STON1: variants seen among roughly 807,000 people sequenced by gnomAD.
STON1 encodes stonin-1.
In STON1, 79 loss-of-function variants were observed where a neutral mutation model predicts 60.9. The ratio of observed to expected loss-of-function variants is 1.30; its 90% CI spans 1.08 to 1.56. The LOEUF (loss-of-function observed/expected upper bound fraction) is 1.56. STON1 is among the 40% of genes most tolerant of loss of function. The pLI, the probability that STON1 is intolerant of heterozygous loss-of-function variation, is 0.00. For synonymous variants in STON1, 363 were observed against 306.9 expected (o/e 1.18, Z -1.91); for missense variants, 1,166 against 858.9 (o/e 1.36, Z -4.47).
intron 1 of STON1, among the ~76,000 whole-genome samples, chr2:48,532,540 C>A (rs868164235): frequency 1.3e-5 from 2 of 151,908 alleles, no homozygotes; most frequent in African/African-American, 4.8e-5. Flanking sequence ...AATCTTCAGT[C>A]TCTTCCTCTT....
Position 48,591,774 on chromosome 2 carries a change from G to C in STON1, c.2052G>C (p.Arg684Ser), listed in dbSNP as rs765635411. ...QFSVPDTCAS[R>S]TEVRSLGVES... ...CCGTGCCTGACACCTGTGCCTCAAG[G>C]ACAGAGGTCAGGTCTCTGGGAGTGG... The change falls in exon 3 of 4, where the codon AGG (arginine) becomes AGC (serine). Residue 684 changes from arginine to serine, a missense_variant. Arg to Ser is a moderately radical substitution (Grantham distance 110). Transcript: ENST00000404752. 2.5e-6 allele frequency: 4 copies of C among 1,614,054 alleles called. No homozygotes were observed. The highest frequency in any genetic ancestry group is 3.4e-6 in the Non-Finnish European group (4 of 1,180,040).
At chr2:48,585,730 C>G (rs1388403719) in intron 2 of STON1, among the ~76,000 whole-genome samples, 1 of 152,120 alleles carries the variant, frequency 6.6e-6, no homozygotes, top group Non-Finnish European at 1.5e-5. Context: ...TTTTGCTCAA[C>G]AAAAAGGGAA....
intron 1 of STON1, among the ~76,000 whole-genome samples, chr2:48,563,301 C>G (rs771123686): frequency 2.6e-5 from 4 of 152,200 alleles, no homozygotes; most frequent in African/African-American, 7.2e-5. Flanking sequence ...AGAGGATGCT[C>G]TGGGGAAGAA....
chr2:48,554,721 T>TA (rs1672244451), intron 1 of STON1, among the ~76,000 whole-genome samples: 2 of 60,500 alleles, frequency 3.3e-5, no homozygotes, highest in South Asian at 6.1e-4. Flanking sequence ...TTTTTTTTTT[T>TA]TTTTATTTAT....
chr2:48,592,305 C>T (rs563245080), intron 3 of STON1, among the ~76,000 whole-genome samples: 1 of 152,148 alleles, frequency 6.6e-6, no homozygotes, highest in Admixed American at 6.5e-5. Flanking sequence ...CCAGTTTTTC[C>T]CAACTCATTG....
chr2:48,554,277 A>C (rs1672218005), intron 1 of STON1, among the ~76,000 whole-genome samples: 1 of 152,130 alleles, frequency 6.6e-6, no homozygotes, highest in Non-Finnish European at 1.5e-5. Flanking sequence ...GCTGGAGGGC[A>C]ATGACACAAT....
chr2:48,591,776 C>G lies in STON1; in HGVS notation c.2054C>G (p.Thr685Arg). The change falls in exon 3 of 4, where the codon ACA becomes AGA. Residue 685 changes from threonine to arginine, a missense_variant. Transcript: ENST00000404752. ...FSVPDTCASR[T>R]EVRSLGVESD... ...GTGCCTGACACCTGTGCCTCAAGGA[C>G]AGAGGTCAGGTCTCTGGGAGTGGAG... is the stretch of plus-strand genomic sequence containing the variant. The G allele has an allele frequency of 1.9e-6, 3 of 1,614,198 alleles. No individual in the cohort carries two copies. The highest frequency in any genetic ancestry group is 2.5e-6 in the Non-Finnish European group (3 of 1,180,046).
intron 1 of STON1, among the ~76,000 whole-genome samples, chr2:48,542,413 CCT>C (rs1387342179): frequency 2.0e-5 from 3 of 152,186 alleles, no homozygotes; most frequent in Non-Finnish European, 2.9e-5. Flanking sequence ...TTACTTAACA[CCT>C]CTGAGTCTAA....
At chr2:48,564,688 TTTC>T (rs1243830099) in intron 1 of STON1, among the ~76,000 whole-genome samples, 69 of 144,620 alleles carry the variant, frequency 4.8e-4, no homozygotes, top group Non-Finnish European at 6.5e-4. Context: ...TTCTTCCTTC[TTTC>T]TTCTTCTTCT....
Position 48,581,343 on chromosome 2 carries a change from A to G in STON1, c.710A>G (p.Gln237Arg), listed in dbSNP as rs1673871407. Residue 237 changes from glutamine to arginine, a missense_variant, in exon 2 of 4, where the codon CAG (glutamine) becomes CGG (arginine). Coordinates refer to ENST00000404752, the MANE Select transcript of STON1 (RefSeq NM_006873.4). ...NYICEKLEHL[Q>R]SAENQDSLRS... is the part of the protein sequence containing the mutation. ...ATCTGTGAGAAGCTTGAACATCTCC[A>G]GTCAGCTGAGAACCAAGACTCACTT... 1 of 1,546,974 alleles carries G rather than the reference A, an allele frequency of 6.5e-7. No individual in the cohort carries two copies. Among genetic ancestry groups the G allele is most frequent in the Non-Finnish European group, 8.7e-7 (1 of 1,149,590 alleles).
chr2:48,545,819 C>T (rs578249498), intron 1 of STON1, among the ~76,000 whole-genome samples: 1 of 152,172 alleles, frequency 6.6e-6, no homozygotes, highest in African/African-American at 2.4e-5. Flanking sequence ...ATTCAGCCCC[C>T]ACTTAATGAG....
chr2:48,537,378 G>C (rs891377766), intron 1 of STON1, among the ~76,000 whole-genome samples: 1 of 152,052 alleles, frequency 6.6e-6, no homozygotes, highest in Admixed American at 6.6e-5. Context: ...AACTATATGA[G>C]ATGATCATTT....
At chr2:48,561,603 C>T (rs966409880) in intron 1 of STON1, among the ~76,000 whole-genome samples, 1 of 152,172 alleles carries the variant, frequency 6.6e-6, no homozygotes, top group Admixed American at 6.5e-5. Context: ...TGGGGCTGCC[C>T]TGTGCATTGT....
At chr2:48,588,718 C>G (rs2103947398) in intron 2 of STON1, among the ~76,000 whole-genome samples, 1 of 152,090 alleles carries the variant, frequency 6.6e-6, no homozygotes, top group East Asian at 1.9e-4. Flanking sequence ...TTTTTCCTTC[C>G]TGGGAATTTG....
chr2:48,581,815 G>C lies in STON1; in HGVS notation c.1182G>C (p.Glu394Asp), dbSNP rs548901629. The C allele has an allele frequency of 4.3e-6, 7 of 1,614,200 alleles. 1 individual carries two copies. The South Asian group carries it at 7.7e-5, about 18-fold the overall frequency. The change falls in exon 2 of 4, where the codon GAG becomes GAC. Residue 394 changes from glutamate to aspartate, a missense_variant. By Grantham distance (45) the Glu-to-Asp change is conservative (BLOSUM62 2). Transcript: ENST00000404752. Reference sequence around the variant, plus strand: ...TCCTTGACTTTCTGACTACTGTGGAGGAGGAGCTGATGAAGTTGCCAGCTG... The same window carrying C: ...TCCTTGACTTTCTGACTACTGTGGACGAGGAGCTGATGAAGTTGCCAGCTG... The part of the protein sequence containing the change: ...HDFLDFLTTV[E>D]EELMKLPAVS...
Position 48,580,930 on chromosome 2 carries a change from T to G in STON1, c.297T>G (p.Thr99=). Residue 99 remains threonine (T), a synonymous_variant, in exon 2 of 4, where the codon ACT becomes ACG. Coordinates refer to ENST00000404752, the MANE Select transcript of STON1 (RefSeq NM_006873.4). The part of the protein sequence containing the change: ...PGFPGIPKAG[T]HVLYPIPESS... ...TTCCTGGCATCCCCAAAGCAGGGAC[T>G]CATGTGCTTTATCCTATTCCAGAAT... 4.4e-6 allele frequency: 7 copies of G among 1,600,122 alleles called. No individual in the cohort carries two copies. Among genetic ancestry groups the G allele is most frequent in the South Asian group, 1.1e-5 (1 of 87,950 alleles).
At chr2:48,561,775 C>T (rs1340067183) in intron 1 of STON1, among the ~76,000 whole-genome samples, 1 of 152,168 alleles carries the variant, frequency 6.6e-6, no homozygotes, top group Non-Finnish European at 1.5e-5. Flanking sequence ...ATGCTAAGTC[C>T]TGGGTGGTGG....
At chr2:48,593,651 G>T (rs1464964437) in intron 3 of STON1, among the ~76,000 whole-genome samples, 1 of 152,070 alleles carries the variant, frequency 6.6e-6, no homozygotes, top group African/African-American at 2.4e-5. Context: ...TCTATGTGTT[G>T]CTTGACTTGC....
chr2:48,572,017 G>A (rs1193687103), intron 1 of STON1, among the ~76,000 whole-genome samples: 1 of 152,052 alleles, frequency 6.6e-6, no homozygotes, highest in African/African-American at 2.4e-5. Context: ...ACAAAAATTA[G>A]CCTGGCATGG....
Sources: allele counts gnomAD v4.1 joint callset (sites outside exome capture counted in the v4.1 genomes callset), GRCh38; gene constraint gnomAD v4.1.1; transcripts MANE v1.5; gene names NCBI Gene and HGNC (gene_info 2026-07-23, HGNC 2026-07-21).